RNF121: variants seen among roughly 807,000 people sequenced by gnomAD.
RNF121 encodes ring finger protein 121.
RNF121 carries 21 observed loss-of-function variants against 46.5 expected under a neutral mutation model. The observed-to-expected ratio is 0.45, with a 90% confidence interval of 0.32 to 0.65. RNF121 has a LOEUF of 0.65. RNF121 is among the 30% of genes least tolerant of loss of function. The pLI, the probability that RNF121 is intolerant of heterozygous loss-of-function variation, is 0.04. For synonymous variants in RNF121, 139 were observed against 144.7 expected, an observed-to-expected ratio of 0.96 and a Z score of 0.28; for missense variants, 346 against 416.0, an observed-to-expected ratio of 0.83 and a Z score of 1.46.
In RNF121 at chr11:71,957,247, T is replaced by C. The variant is rs887334563; in HGVS notation, c.84T>C (p.Ser28=). Residue 28 remains serine, a synonymous_variant, in exon 2 of 9, where the codon TCT becomes TCC. Coordinates refer to ENST00000361756, the MANE Select transcript of RNF121 (RefSeq NM_018320.5). ...ELDEVDMSDL[S]PEEQWRVEHA... ...TACAGGTTGATATGTCAGATCTCTC[T>C]CCAGAAGAGCAATGGAGGTAAGTGT... The C allele has an allele frequency of 1.2e-6, 2 of 1,604,970 alleles. No homozygotes were observed. The highest frequency in any genetic ancestry group is 3.3e-5 in the Admixed American group (2 of 60,014).
chr11:71,996,432 C>A lies in RNF121; in HGVS notation c.*117C>A. The stretch of plus-strand genomic sequence containing the variant: ...GACTCAAAGGGGTGCTTGGGCCACT[C>A]AGGACCCCTCTGGCTGTGTCGGACT... On this transcript the variant is annotated 3_prime_UTR_variant, in exon 9 of 9. Coordinates refer to ENST00000361756, the MANE Select transcript of RNF121 (RefSeq NM_018320.5). The A allele has an allele frequency of 7.9e-7, 1 of 1,258,442 alleles. No homozygotes were observed. 78.0% of individuals were successfully genotyped at this position (1,258,442 alleles called of 1,614,324 possible). A position where few individuals can be genotyped will look rare whatever the true frequency, so the allele number is the denominator to read the frequency against.
rs201445177 is a variant in RNF121, at chr11:71,990,713, T to C, written c.623T>C (p.Ile208Thr). The part of the protein sequence containing the change: ...EMCADYMAST[I>T]GFYSESGMPT... ...TGTGCAGACTACATGGCATCTACCA[T>C]AGGGGTAAGTTCATCCGGGTTCTTA... Residue 208 changes from isoleucine (I) to threonine (T), a missense_variant, in exon 6 of 9, where the codon ATA becomes ACA. By Grantham distance (89) the Ile-to-Thr change is moderately conservative. Coordinates refer to ENST00000361756, the MANE Select transcript of RNF121 (RefSeq NM_018320.5). 3.7e-6 allele frequency: 6 copies of C among 1,613,982 alleles called. No individual in the cohort carries two copies. The highest frequency in any genetic ancestry group is 1.7e-5 in the Admixed American group (1 of 59,976).
In RNF121 at chr11:71,995,476, G is replaced by C. The variant is rs1285954473; in HGVS notation, c.788G>C (p.Trp263Ser). ...HVFHEFCIRG[W>S]CIVGKKQTCP... The stretch of plus-strand genomic sequence containing the variant: ...TTCCACGAGTTCTGCATCCGTGGCT[G>C]GTGCATCGTGGGAAAGAAGCAAACG... Residue 263 changes from tryptophan to serine, a missense_variant, in exon 8 of 9, where the codon TGG becomes TCG. Physicochemically the swap from Trp to Ser is radical, Grantham distance 177. Transcript: ENST00000361756. The C allele has an allele frequency of 6.3e-7, 1 of 1,589,522 alleles. No individual in the cohort carries two copies. The highest frequency in any genetic ancestry group is 8.6e-7 in the Non-Finnish European group (1 of 1,166,138).
chr11:71,929,599 C>T (rs372482710), intron 1 of RNF121, among the ~76,000 whole-genome samples: 1 of 152,154 alleles, frequency 6.6e-6, no homozygotes, highest in Non-Finnish European at 1.5e-5. Flanking sequence ...AAAGTTGGAA[C>T]TGTTTTATTT....
chr11:71,957,092 G>C (rs1954005314), intron 1 of RNF121, 135 bp from the exon 2 acceptor site: 1 of 745,436 alleles, frequency 1.3e-6, no homozygotes, highest in East Asian at 2.5e-5. Context: ...AGAATGGTTG[G>C]TAAGGCTTCA....
At chr11:71,934,868 A>G (rs1190301916) in intron 1 of RNF121, among the ~76,000 whole-genome samples, 1 of 152,130 alleles carries the variant, frequency 6.6e-6, no homozygotes, top group Admixed American at 6.5e-5. Flanking sequence ...TTAGCAGAAA[A>G]GAGTGCTGAG....
intron 2 of RNF121, among the ~76,000 whole-genome samples, chr11:71,959,290 A>C (rs190819159): frequency 6.6e-6 from 1 of 152,326 alleles, no homozygotes; most frequent in Admixed American, 6.5e-5. Flanking sequence ...TTTGTTATGA[A>C]AAACTTTAAA....
chr11:71,944,225 C>T (rs530550142), intron 1 of RNF121, among the ~76,000 whole-genome samples: 4 of 152,064 alleles, frequency 2.6e-5, no homozygotes, highest in African/African-American at 9.6e-5. Context: ...CCCAGCCACT[C>T]GGGAGACTGA....
rs552278110 is a variant in RNF121 at position 71,980,488 on chromosome 11, G to T, written c.244-2273G>T. The stretch of plus-strand genomic sequence containing the variant: ...CAGCCTCCCAAGTAGCTGGGATTAT[G>T]GGTGCCCGCCACCATGCCTGGCTAA... On this transcript the variant is annotated intron_variant, in intron 3 of 8. Transcript: ENST00000361756. Among the ~76,000 whole-genome samples, 8 of 152,090 alleles carry T rather than the reference G, an allele frequency of 5.3e-5. No individual in the cohort carries two copies. In the East Asian group the frequency reaches 1.2e-3, roughly 22 times the overall value.
chr11:71,994,576 A>T, intron 6 of RNF121, 143 bp from the exon 7 acceptor site: 1 of 904,390 alleles, frequency 1.1e-6, no homozygotes, highest in Non-Finnish European at 1.7e-6. Context: ...AAACAGTTTA[A>T]AAAAAAAAAG....
rs79867100 is a variant in RNF121, at chr11:71,992,135, A to C, written c.627+1418A>C. ...AGTAAAAATTCACAAAATGTATAATAATCATGCAAAGGCACAACAATAAAT... is the reference window on the plus strand; with the variant it reads ...AGTAAAAATTCACAAAATGTATAATCATCATGCAAAGGCACAACAATAAAT... On this transcript the variant is annotated intron_variant, in intron 6 of 8. Transcript: ENST00000361756. Among the ~76,000 whole-genome samples the C allele has an allele frequency of 4.6e-3, 695 of 152,328 alleles. 3 individuals carry two copies. Among genetic ancestry groups the C allele is most frequent in the African/African-American group, 0.016 (665 of 41,560 alleles).
chr11:71,959,461 T>C (rs1450346050), intron 2 of RNF121, among the ~76,000 whole-genome samples: 1 of 152,202 alleles, frequency 6.6e-6, no homozygotes, highest in Non-Finnish European at 1.5e-5. Flanking sequence ...GAAGACACTA[T>C]TTATGTTGTC....
intron 4 of RNF121, 141 bp downstream of exon 4, chr11:71,983,056 G>A (rs1355678277): frequency 1.5e-6 from 1 of 651,354 alleles, no homozygotes. Context: ...TCTAAAACAA[G>A]CTGATTGGTA....
At chr11:71,948,430 G>A (rs1331290609) in intron 1 of RNF121, among the ~76,000 whole-genome samples, 3 of 142,572 alleles carry the variant, frequency 2.1e-5, no homozygotes, top group Non-Finnish European at 4.5e-5. Context: ...CATGAGAATC[G>A]CTTGAACCTG....
chr11:71,994,937 T>A, intron 7 of RNF121, 85 bp downstream of exon 7: 2 of 1,569,518 alleles, frequency 1.3e-6, no homozygotes, highest in Non-Finnish European at 8.7e-7. Context: ...GTCATGACCC[T>A]AGGCATGCTG....
intron 1 of RNF121, among the ~76,000 whole-genome samples, chr11:71,929,355 C>G (rs968946093): frequency 1.3e-4 from 18 of 140,734 alleles, no homozygotes; most frequent in African/African-American, 4.6e-4. Context: ...AGATGGAGGA[C>G]AGAGAGAGAG....
At chr11:71,986,865 A>C (rs890786000) in intron 4 of RNF121, 139 bp from the exon 5 acceptor site, 1 of 615,818 alleles carries the variant, frequency 1.6e-6, no homozygotes, top group Non-Finnish European at 2.9e-6. Context: ...AGCTTTGGAT[A>C]GTAACTGAAG....
intron 3 of RNF121, among the ~76,000 whole-genome samples, chr11:71,982,500 G>T (rs774686922): frequency 6.6e-6 from 1 of 152,170 alleles, no homozygotes; most frequent in Admixed American, 6.5e-5. Context: ...GCTCATTGCA[G>T]TCAGCCAGCC....
At chr11:71,944,719 A>G (rs1035987071) in intron 1 of RNF121, among the ~76,000 whole-genome samples, 4 of 152,218 alleles carry the variant, frequency 2.6e-5, no homozygotes, top group African/African-American at 7.2e-5. Flanking sequence ...CTTGGGTGAC[A>G]CAGTGACTCG....
Sources: allele counts gnomAD v4.1 joint callset (sites outside exome capture counted in the v4.1 genomes callset), GRCh38; gene constraint gnomAD v4.1.1; transcripts MANE v1.5; gene names NCBI Gene and HGNC (gene_info 2026-07-23, HGNC 2026-07-21).